The following WHRN variants were observed in gnomAD, a reference collection of about 807,000 sequenced individuals.
WHRN encodes the protein CASK-interacting protein CIP98.
A neutral mutation model predicts 68.3 loss-of-function variants in WHRN; 41 were observed. The observed-to-expected ratio is 0.60, with a 90% CI of 0.47 to 0.78. The LOEUF (loss-of-function observed/expected upper bound fraction) is 0.78. Ranked by LOEUF, WHRN falls within the 30% of genes least tolerant of loss-of-function variation. The probability of loss-of-function intolerance (pLI) is 0.00; values close to 1 mark genes in which losing one functional copy is unlikely to be tolerated. For missense variants in WHRN, 1,243 were observed against 1,244.7 expected, an observed-to-expected ratio of 1.00 and a Z score of 0.02; for synonymous variants, 560 against 561.3, an observed-to-expected ratio of 1.00 and a Z score of 0.03.
At chr9:114,411,891 A>C (rs1835465082) in intron 7 of WHRN, among the ~76,000 whole-genome samples, 1 of 152,170 alleles carries the variant, frequency 6.6e-6, no homozygotes, top group Non-Finnish European at 1.5e-5. Context: ...CAACCCCAGA[A>C]ATGAACAGGG....
At chr9:114,490,601 A>G (rs1842899764) in intron 1 of WHRN, among the ~76,000 whole-genome samples, 2 of 152,140 alleles carry the variant, frequency 1.3e-5, no homozygotes, top group Admixed American at 1.3e-4. Flanking sequence ...TGAGGGTTCA[A>G]TGTAAGGATG....
intron 1 of WHRN, among the ~76,000 whole-genome samples, chr9:114,489,495 C>CAG (rs1842798071): frequency 5.9e-5 from 7 of 118,034 alleles, no homozygotes; most frequent in African/African-American, 2.2e-4. Context: ...CACACGTACA[C>CAG]ACACACACGC....
chr9:114,405,279 C>T (rs1022588742), intron 9 of WHRN, among the ~76,000 whole-genome samples: 1 of 152,024 alleles, frequency 6.6e-6, no homozygotes, highest in Non-Finnish European at 1.5e-5. Context: ...CAGCAAGTTG[C>T]CCAGGCTCCT....
At chr9:114,417,336 G>A (rs969990035) in intron 7 of WHRN, among the ~76,000 whole-genome samples, 5 of 152,212 alleles carry the variant, frequency 3.3e-5, no homozygotes, top group Non-Finnish European at 7.4e-5. Flanking sequence ...CTCGGTCATC[G>A]ATAGCCAGCC....
intron 1 of WHRN, among the ~76,000 whole-genome samples, chr9:114,487,179 CA>C (rs1022903277): frequency 1.8e-4 from 24 of 136,870 alleles, no homozygotes; most frequent in African/African-American, 4.2e-4. Context: ...TAAGAGATAC[CA>C]AAAAAAAATT....
intron 3 of WHRN, among the ~76,000 whole-genome samples, chr9:114,455,600 G>C (rs923026825): frequency 6.6e-6 from 1 of 151,738 alleles, no homozygotes; most frequent in Non-Finnish European, 1.5e-5. Flanking sequence ...TGTAGTCCCG[G>C]CTACTAGGAA....
At chr9:114,494,319 T>C (rs1253057609) in intron 1 of WHRN, among the ~76,000 whole-genome samples, 1 of 152,232 alleles carries the variant, frequency 6.6e-6, no homozygotes, top group Admixed American at 6.5e-5. Context: ...TGGTAAATGA[T>C]CATCAAATGT....
chr9:114,463,954 G>A (rs996576137), intron 3 of WHRN, among the ~76,000 whole-genome samples: 3 of 152,110 alleles, frequency 2.0e-5, no homozygotes, highest in Admixed American at 1.3e-4. Flanking sequence ...GCAACTCTCC[G>A]AGCCTCACCT....
At chr9:114,415,804 C>T (rs753284101) in intron 7 of WHRN, among the ~76,000 whole-genome samples, 8 of 152,194 alleles carry the variant, frequency 5.3e-5, no homozygotes, top group Admixed American at 1.3e-4. Context: ...TCTCTTACCC[C>T]GCTCATGGAT....
At chr9:114,456,382 C>T (rs1345127397) in intron 3 of WHRN, among the ~76,000 whole-genome samples, 1 of 136,816 alleles carries the variant, frequency 7.3e-6, no homozygotes, top group Non-Finnish European at 1.6e-5. Flanking sequence ...CAAATGATTT[C>T]CATAACCACA....
chr9:114,423,180 G>A, intron 7 of WHRN, 134 bp downstream of exon 7: 1 of 930,464 alleles, frequency 1.1e-6, no homozygotes, highest in Non-Finnish European at 1.7e-6. Context: ...GGAAGAAACT[G>A]AGGCTCAGAG....
At chr9:114,469,190 G>A (rs954879172) in intron 2 of WHRN, among the ~76,000 whole-genome samples, 2 of 152,236 alleles carry the variant, frequency 1.3e-5, no homozygotes, top group African/African-American at 4.8e-5. Context: ...TCTCAGCCAA[G>A]CCAGCAGGTG....
intron 1 of WHRN, among the ~76,000 whole-genome samples, chr9:114,494,506 T>C (rs1341076083): frequency 6.6e-6 from 1 of 152,190 alleles, no homozygotes; most frequent in Non-Finnish European, 1.5e-5. Flanking sequence ...GTTAGGAAGC[T>C]GGTTCAAGGC....
chr9:114,427,619 G>A (rs1169532035), intron 3 of WHRN, among the ~76,000 whole-genome samples: 2 of 152,182 alleles, frequency 1.3e-5, no homozygotes, highest in Non-Finnish European at 2.9e-5. Context: ...TAAGACAAAT[G>A]GGAGCTTGGG....
intron 3 of WHRN, among the ~76,000 whole-genome samples, chr9:114,456,279 C>G (rs1332233597): frequency 1.3e-5 from 2 of 152,044 alleles, no homozygotes; most frequent in African/African-American, 4.8e-5. Context: ...ATTTGTAAAA[C>G]TCAACCAGGA....
intron 7 of WHRN, among the ~76,000 whole-genome samples, chr9:114,411,786 G>A (rs1835456436): frequency 6.6e-6 from 1 of 152,210 alleles, no homozygotes. Context: ...AGTTCAGAGA[G>A]GGAAGAGACT....
chr9:114,477,987 C>T (rs531618378), intron 2 of WHRN, among the ~76,000 whole-genome samples: 1 of 152,234 alleles, frequency 6.6e-6, no homozygotes, highest in South Asian at 2.1e-4. Flanking sequence ...CAGCTTCAAC[C>T]ACGAGAAGGG....
intron 2 of WHRN, among the ~76,000 whole-genome samples, chr9:114,477,852 A>C (rs1411472307): frequency 6.6e-6 from 1 of 152,172 alleles, no homozygotes; most frequent in Non-Finnish European, 1.5e-5. Flanking sequence ...TCCTGGCCAC[A>C]TTCCTGGCAG....
intron 3 of WHRN, among the ~76,000 whole-genome samples, chr9:114,433,946 C>T (rs1837630991): frequency 6.6e-6 from 1 of 152,220 alleles, no homozygotes; most frequent in Non-Finnish European, 1.5e-5. Flanking sequence ...ACTCTATTCA[C>T]CACACAGGAA....
Sources: allele counts gnomAD v4.1 joint callset (sites outside exome capture counted in the v4.1 genomes callset), GRCh38; gene constraint gnomAD v4.1.1; transcripts MANE v1.5; gene names NCBI Gene and HGNC (gene_info 2026-07-23, HGNC 2026-07-21).